The following TANC2 variants were observed in gnomAD, a reference collection of about 807,000 sequenced individuals.
The protein encoded by TANC2 is protein TANC2.
A neutral mutation model predicts 210.5 loss-of-function variants in TANC2; 26 were observed. That is an observed-to-expected ratio of 0.12 (90% CI 0.09 to 0.17). The LOEUF (loss-of-function observed/expected upper bound fraction) is 0.17, where lower values mean the gene tolerates loss of function less well. TANC2 is among the 10% of genes least tolerant of loss of function. The pLI is 1.00. For synonymous variants in TANC2, 931 were observed against 967.1 expected (o/e 0.96, Z 0.69); for missense variants, 2,129 against 2,608.9 (o/e 0.82, Z 4.01).
At chr17:63,346,560 C>G (rs552323794) in intron 12 of TANC2, among the ~76,000 whole-genome samples, 3 of 151,928 alleles carry the variant, frequency 2.0e-5, no homozygotes, top group Non-Finnish European at 4.4e-5. Flanking sequence ...ACTTCACACC[C>G]ATTAGAATAC....
chr17:63,295,483 T>C (rs2044507410), intron 9 of TANC2, among the ~76,000 whole-genome samples: 1 of 152,146 alleles, frequency 6.6e-6, no homozygotes, highest in African/African-American at 2.4e-5. Flanking sequence ...TGAAACAACA[T>C]GTAAAGTAAT....
chr17:63,215,833 TC>T (rs1202354031), intron 7 of TANC2, among the ~76,000 whole-genome samples: 1 of 152,098 alleles, frequency 6.6e-6, no homozygotes, highest in Non-Finnish European at 1.5e-5. Context: ...CACTGCAAGC[TC>T]CACCTCCTGG....
At chr17:63,152,085 AG>A (rs1054889118) in intron 5 of TANC2, 5 of 152,214 alleles carry the variant, frequency 3.3e-5, no homozygotes, top group Non-Finnish European at 5.9e-5. Flanking sequence ...GTCAGTCTAT[AG>A]AGCTGTGTCA....
intron 4 of TANC2, among the ~76,000 whole-genome samples, chr17:63,104,518 A>G (rs2144957973): frequency 6.6e-6 from 1 of 152,334 alleles, no homozygotes; most frequent in African/African-American, 2.4e-5. Flanking sequence ...CACCAATCTT[A>G]TTACTAGGAG....
At chr17:63,092,215 A>G (rs1198941183) in intron 3 of TANC2, among the ~76,000 whole-genome samples, 2 of 152,020 alleles carry the variant, frequency 1.3e-5, no homozygotes. Context: ...GGAGGGACAT[A>G]TATCTTCATT....
At chr17:63,248,998 G>A (rs2042987455) in intron 8 of TANC2, among the ~76,000 whole-genome samples, 1 of 151,996 alleles carries the variant, frequency 6.6e-6, no homozygotes, top group South Asian at 2.1e-4. Flanking sequence ...TAATACGTTG[G>A]TCAAATAGAT....
chr17:63,003,803 A>C (rs2033490334), intron 1 of TANC2, among the ~76,000 whole-genome samples: 1 of 152,196 alleles, frequency 6.6e-6, no homozygotes, highest in African/African-American at 2.4e-5. Flanking sequence ...AATAACCTCC[A>C]AATATATGTT....
At chr17:63,239,889 C>T (rs1208243216) in intron 8 of TANC2, among the ~76,000 whole-genome samples, 1 of 152,072 alleles carries the variant, frequency 6.6e-6, no homozygotes, top group Non-Finnish European at 1.5e-5. Context: ...GGGGAACAAG[C>T]ACCTCACATG....
chr17:63,404,464 A>C (rs1417331244), intron 19 of TANC2, among the ~76,000 whole-genome samples: 1 of 152,194 alleles, frequency 6.6e-6, no homozygotes, highest in Non-Finnish European at 1.5e-5. Flanking sequence ...CTGTGACTTC[A>C]TTATTTTATA....
chr17:63,125,187 T>C (rs2038659072), intron 4 of TANC2: 2 of 152,230 alleles, frequency 1.3e-5, no homozygotes. Context: ...GTATAACTTC[T>C]CTGTGCTTCA....
chr17:63,061,731 A>G (rs1040129634), intron 2 of TANC2, among the ~76,000 whole-genome samples: 1 of 151,910 alleles, frequency 6.6e-6, no homozygotes, highest in African/African-American at 2.4e-5. Context: ...AGAGATTCCT[A>G]TTTATCCTTA....
intron 4 of TANC2, among the ~76,000 whole-genome samples, chr17:63,107,559 A>G (rs1016939218): frequency 6.6e-6 from 1 of 151,726 alleles, no homozygotes; most frequent in East Asian, 1.9e-4. Context: ...ATTATTCATA[A>G]TAGCCAAAGA....
At chr17:63,176,260 T>C (rs915289699) in intron 5 of TANC2, among the ~76,000 whole-genome samples, 20 of 152,204 alleles carry the variant, frequency 1.3e-4, no homozygotes, top group African/African-American at 4.1e-4. Flanking sequence ...ATAGCACTTT[T>C]ATACATATCA....
intron 3 of TANC2, chr17:63,088,729 A>G (rs2037068806): frequency 6.6e-6 from 1 of 152,188 alleles, no homozygotes; most frequent in Admixed American, 6.5e-5. Flanking sequence ...ACAGTCATAA[A>G]GTTTGTCTTT....
chr17:63,314,322 TTC>T, intron 9 of TANC2, 64 bp from the exon 10 acceptor site: 4 of 1,568,778 alleles, frequency 2.5e-6, no homozygotes, highest in Non-Finnish European at 3.5e-6. Context: ...ACTGCATTTT[TTC>T]TCTCTTTGTT....
At chr17:63,423,509 G>A (rs1449401716) in exon 28 of TANC2, 3 of 152,216 alleles carry the variant, frequency 2.0e-5, no homozygotes, top group African/African-American at 2.4e-5. Context: ...AGGAGCATTC[G>A]TTCTCTGTTG....
intron 11 of TANC2, among the ~76,000 whole-genome samples, chr17:63,330,217 G>A (rs1057361456): frequency 2.9e-4 from 44 of 152,292 alleles, no homozygotes; most frequent in African/African-American, 8.9e-4. Flanking sequence ...CAGAAAAAGA[G>A]TTTGAAGGTA....
At chr17:63,059,109 A>T (rs2035907250) in intron 2 of TANC2, among the ~76,000 whole-genome samples, 2 of 151,696 alleles carry the variant, frequency 1.3e-5, no homozygotes, top group African/African-American at 4.8e-5. Context: ...CATCTCTTTG[A>T]TTTCTTTGGG....
Position 63,374,803 on chromosome 17 carries a change from T to G in TANC2, c.2583-4915T>G, listed in dbSNP as rs150961939. Among the ~76,000 whole-genome samples, 317 of 152,234 alleles carry G rather than the reference T, an allele frequency of 2.1e-3. 1 individual carries two copies. The highest frequency in any genetic ancestry group is 7.3e-3 in the African/African-American group (302 of 41,544). ...GATACCATGCTAAGGAATTTAAATT[T>G]TATATCAGAGGGAAAATAAAACTAG... On this transcript the variant is annotated intron_variant, in intron 14 of 27. Coordinates refer to ENST00000689528, the Ensembl canonical transcript of TANC2.
Sources: gnomAD v4.1 joint callset for allele counts (sites outside exome capture counted in the v4.1 genomes callset) on GRCh38, gnomAD v4.1.1 for gene constraint, MANE v1.5 for transcripts, NCBI Gene and HGNC (gene_info 2026-07-23, HGNC 2026-07-21) for gene names.